Variants in BBS9 observed in about 807,000 individuals in gnomAD.
BBS9 encodes the protein Bardet-Biedl syndrome 9.
BBS9 carries 89 observed loss-of-function variants against 117.7 expected under a neutral mutation model. The observed-to-expected ratio is 0.76, with a 90% CI of 0.64 to 0.90. BBS9 has a LOEUF of 0.90. Ranked by LOEUF, BBS9 falls within the 40% of genes least tolerant of loss-of-function variation. The probability of loss-of-function intolerance (pLI) is 0.00; values close to 1 mark genes in which losing one functional copy is unlikely to be tolerated. For missense variants in BBS9, 982 were observed against 1,042.2 expected, an observed-to-expected ratio of 0.94 and a Z score of 0.80; for synonymous variants, 379 against 370.9, an observed-to-expected ratio of 1.02 and a Z score of -0.25.
intron 19 of BBS9, among the ~76,000 whole-genome samples, chr7:33,415,253 G>T (rs1831795164): frequency 6.6e-6 from 1 of 152,190 alleles, no homozygotes; most frequent in South Asian, 2.1e-4. Context: ...AGTACTGTGG[G>T]TAAGACCCCA....
chr7:33,161,915 T>TCA (rs1794921848), intron 4 of BBS9, among the ~76,000 whole-genome samples: 1 of 152,236 alleles, frequency 6.6e-6, no homozygotes, highest in African/African-American at 2.4e-5. Context: ...TGCATAGATG[T>TCA]CTTCTTTTGA....
At chr7:33,488,916 A>G (rs1422380927) in intron 19 of BBS9, among the ~76,000 whole-genome samples, 1 of 151,704 alleles carries the variant, frequency 6.6e-6, no homozygotes, top group Non-Finnish European at 1.5e-5. Context: ...TTAGCAGAGC[A>G]TTACTGGTGA....
Position 33,219,284 on chromosome 7 carries a change from G to A in BBS9, c.443-37952G>A, listed in dbSNP as rs565296891. ...CCCCTCCGTGGGCTCCTGTGCGGCCGAGCTTCCCCGGTGAGCGCCGCCCCG... is the reference window on the plus strand; with the variant it reads ...CCCCTCCGTGGGCTCCTGTGCGGCCAAGCTTCCCCGGTGAGCGCCGCCCCG... On this transcript the variant is annotated intron_variant, in intron 5 of 22. Transcript: ENST00000242067. Among the ~76,000 whole-genome samples the A allele has an allele frequency of 7.2e-5, 11 of 152,332 alleles. No homozygotes were observed. The South Asian group carries it at 1.7e-3, about 23-fold the overall frequency.
Position 33,318,372 on chromosome 7 carries a change from A to G in BBS9, c.1017-18069A>G, listed in dbSNP as rs969062687. 4.6e-5 allele frequency among the ~76,000 whole-genome samples: 7 copies of G among 152,160 alleles called. No homozygotes were observed. In the East Asian group the frequency reaches 1.2e-3, roughly 25 times the overall value. On this transcript the variant is annotated intron_variant, in intron 9 of 22. Coordinates refer to ENST00000242067, the MANE Select transcript of BBS9 (RefSeq NM_198428.3). ...AAGCTTTTACAACATTTGTCCTCTT[A>G]TAGCTCTGCTCCTCCTTTCCCAAGT...
At chr7:33,294,327 A>C (rs1298792962) in intron 9 of BBS9, among the ~76,000 whole-genome samples, 2 of 143,578 alleles carry the variant, frequency 1.4e-5, no homozygotes, top group African/African-American at 5.5e-5. Flanking sequence ...CTATCTATCT[A>C]TCTATCTATC....
Position 33,388,101 on chromosome 7 carries a change from C to G in BBS9, c.2072C>G (p.Pro691Arg), listed in dbSNP as rs759571062. 1.2e-6 allele frequency: 2 copies of G among 1,614,118 alleles called. No individual in the cohort carries two copies. The highest frequency in any genetic ancestry group is 1.3e-5 in the African/African-American group (1 of 75,036). ...LARFKDKTPA[P>R]LQHLDTLLDG... ...AGATTCAAAGATAAAACTCCTGCCC[C>G]TCTTCAACACCTGGACACCTTGTTA... Residue 691 changes from proline to arginine, a missense_variant, in exon 19 of 23, where the codon CCT becomes CGT. Pro to Arg is a moderately radical substitution (Grantham distance 103, BLOSUM62 -2). Coordinates refer to ENST00000242067, the MANE Select transcript of BBS9 (RefSeq NM_198428.3).
intron 21 of BBS9, among the ~76,000 whole-genome samples, chr7:33,568,172 C>T (rs1363897245): frequency 6.6e-6 from 1 of 152,156 alleles, no homozygotes; most frequent in Admixed American, 6.5e-5. Context: ...CTTTTCTAGC[C>T]TTGTCTCTCA....
intron 9 of BBS9, among the ~76,000 whole-genome samples, chr7:33,302,769 G>C (rs557276689): frequency 1.3e-4 from 20 of 152,030 alleles, no homozygotes; most frequent in Admixed American, 1.2e-3. Flanking sequence ...TGGGTCTTTC[G>C]TGGTTCCATA....
At chr7:33,195,789 T>C (rs950304310) in intron 5 of BBS9, among the ~76,000 whole-genome samples, 2 of 152,154 alleles carry the variant, frequency 1.3e-5, no homozygotes, top group South Asian at 4.1e-4. Context: ...TTTTTCTACT[T>C]TGATTGTTTT....
At chr7:33,495,777 A>G (rs147894323) in intron 19 of BBS9, among the ~76,000 whole-genome samples, 4 of 152,322 alleles carry the variant, frequency 2.6e-5, no homozygotes, top group African/African-American at 9.6e-5. Context: ...ATATTAGCCA[A>G]GCATTGGAGT....
At chr7:33,363,581 T>C (rs1821041912) in intron 16 of BBS9, among the ~76,000 whole-genome samples, 1 of 152,216 alleles carries the variant, frequency 6.6e-6, no homozygotes, top group South Asian at 2.1e-4. Flanking sequence ...TTTTGCTTGC[T>C]TTTTGCCTTG....
intron 19 of BBS9, among the ~76,000 whole-genome samples, chr7:33,405,328 G>A (rs972034361): frequency 7.9e-5 from 12 of 152,124 alleles, no homozygotes; most frequent in African/African-American, 1.2e-4. Flanking sequence ...GTCTCTGCCC[G>A]GCTTTGGTAT....
At chr7:33,523,186 C>A (rs1187900409) in intron 20 of BBS9, among the ~76,000 whole-genome samples, 1 of 147,370 alleles carries the variant, frequency 6.8e-6, no homozygotes, top group Non-Finnish European at 1.5e-5. Context: ...TAGTGTGATG[C>A]CTCCAGCTTT....
chr7:33,525,240 G>C (rs1245021529), intron 20 of BBS9, among the ~76,000 whole-genome samples: 1 of 149,006 alleles, frequency 6.7e-6, no homozygotes, highest in Admixed American at 6.7e-5. Flanking sequence ...TTGGGGTGGA[G>C]AGTTCTGTAG....
intron 20 of BBS9, 38 bp from the exon 21 acceptor site, chr7:33,533,916 C>A: frequency 6.2e-7 from 1 of 1,605,162 alleles, no homozygotes; most frequent in South Asian, 1.1e-5. Flanking sequence ...TTCTTATTGT[C>A]ATCTTTGTAT....
chr7:33,296,951 TG>T (rs1345471817), intron 9 of BBS9, among the ~76,000 whole-genome samples: 1 of 152,186 alleles, frequency 6.6e-6, no homozygotes, highest in Non-Finnish European at 1.5e-5. Context: ...GGAAAGTTTT[TG>T]TCTTTCTGTG....
At chr7:33,172,371 ACT>A (rs1350793661) in intron 4 of BBS9, among the ~76,000 whole-genome samples, 1 of 150,704 alleles carries the variant, frequency 6.6e-6, no homozygotes, top group Non-Finnish European at 1.5e-5. Flanking sequence ...ACAGAGCGAG[ACT>A]CTGTCTCAAA....
At chr7:33,273,720 A>T (rs1800228295) in intron 8 of BBS9, 107 bp from the exon 9 acceptor site, 1 of 1,009,408 alleles carries the variant, frequency 9.9e-7, no homozygotes, top group Non-Finnish European at 1.5e-6. Flanking sequence ...TTTATGTATT[A>T]AAATCCAGGT....
intron 17 of BBS9, among the ~76,000 whole-genome samples, chr7:33,378,472 GTTAC>G (rs1162737440): frequency 6.6e-6 from 1 of 152,128 alleles, no homozygotes; most frequent in Non-Finnish European, 1.5e-5. Flanking sequence ...ATGTTTCTCT[GTTAC>G]TTTATCTTTA....
Sources: allele counts gnomAD v4.1 joint callset (sites outside exome capture counted in the v4.1 genomes callset), GRCh38; gene constraint gnomAD v4.1.1; transcripts MANE v1.5; gene names NCBI Gene and HGNC (gene_info 2026-07-23, HGNC 2026-07-21).